Variants in ABCB5 observed in about 807,000 individuals in gnomAD.
The protein encoded by ABCB5 is ATP-binding cassette sub-family B member 5.
ABCB5 carries 155 observed loss-of-function variants against 144.2 expected under a neutral mutation model. The observed-to-expected ratio is 1.08, with a 90% CI of 0.94 to 1.23. The LOEUF is 1.23. Among genes scored for constraint, ABCB5 ranks in the 50% most tolerant of loss-of-function variants. ABCB5 has a pLI of 0.00. For synonymous variants in ABCB5, 610 were observed against 528.6 expected (o/e 1.15, Z -2.11); for missense variants, 1,830 against 1,520.8 (o/e 1.20, Z -3.38).
At chr7:20,718,298 T>A (rs868492508) in intron 20 of ABCB5, among the ~76,000 whole-genome samples, 1 of 152,144 alleles carries the variant, frequency 6.6e-6, no homozygotes, top group Non-Finnish European at 1.5e-5. Flanking sequence ...ATAACATACA[T>A]CACCATTTAT....
intron 23 of ABCB5, among the ~76,000 whole-genome samples, chr7:20,731,369 A>AAAAAAT (rs57305244): frequency 3.3e-5 from 4 of 123,074 alleles, no homozygotes; most frequent in African/African-American, 9.9e-5. Context: ...AAAAAAAAAA[A>AAAAAAT]ATATATATAT....
chr7:20,662,577 T>C (rs1320699113), intron 14 of ABCB5, among the ~76,000 whole-genome samples: 1 of 151,380 alleles, frequency 6.6e-6, no homozygotes, highest in Non-Finnish European at 1.5e-5. Flanking sequence ...ATAGCAACAC[T>C]GTAATAGTTG....
intron 17 of ABCB5, among the ~76,000 whole-genome samples, chr7:20,698,799 A>C (rs766083084): frequency 6.6e-6 from 1 of 152,184 alleles, no homozygotes. Flanking sequence ...TCTAATTTTT[A>C]CTCCAGTGCT....
intron 20 of ABCB5, among the ~76,000 whole-genome samples, chr7:20,711,047 A>G (rs1271797888): frequency 1.3e-5 from 2 of 149,988 alleles, no homozygotes; most frequent in East Asian, 3.9e-4. Context: ...CTTACAGCGT[A>G]AGAAACTTAA....
intron 27 of ABCB5, among the ~76,000 whole-genome samples, chr7:20,754,481 T>C (rs1247653265): frequency 6.6e-6 from 1 of 152,226 alleles, no homozygotes; most frequent in Non-Finnish European, 1.5e-5. Flanking sequence ...TATGAGGTTA[T>C]TGAAAGAATT....
intron 14 of ABCB5, among the ~76,000 whole-genome samples, chr7:20,662,343 T>C (rs1191678621): frequency 6.6e-6 from 1 of 152,258 alleles, no homozygotes; most frequent in African/African-American, 2.4e-5. Context: ...ACCTCTTATG[T>C]TGTATTTATA....
chr7:20,705,117 C>T (rs1026939201), intron 20 of ABCB5, among the ~76,000 whole-genome samples: 1 of 151,990 alleles, frequency 6.6e-6, no homozygotes, highest in Non-Finnish European at 1.5e-5. Flanking sequence ...GGAAAAGTAA[C>T]GAAATGAAAA....
chr7:20,635,307 C>G (rs1431906042), intron 5 of ABCB5, among the ~76,000 whole-genome samples: 1 of 151,000 alleles, frequency 6.6e-6, no homozygotes, highest in Admixed American at 6.6e-5. Flanking sequence ...TTACTATAGC[C>G]TTGTAGTACA....
intron 13 of ABCB5, among the ~76,000 whole-genome samples, chr7:20,656,087 G>A (rs1192494924): frequency 6.9e-6 from 1 of 145,278 alleles, no homozygotes; most frequent in Non-Finnish European, 1.5e-5. Flanking sequence ...GGTTATCCTT[G>A]TGGAAAAAAT....
At position 20,645,787 on chromosome 7, in the gene ABCB5, G is replaced by C. The variant is rs558603324; in HGVS notation, c.710G>C (p.Ser237Thr). 4.7e-5 allele frequency: 76 copies of C among 1,613,720 alleles called. No homozygotes were observed. Among genetic ancestry groups the C allele is most frequent in the Non-Finnish European group, 5.8e-5 (68 of 1,179,762 alleles). The change falls in exon 8 of 28, where the codon AGT (serine) becomes ACT (threonine). Residue 237 changes from serine to threonine, a missense_variant. Ser to Thr is a moderately conservative substitution (Grantham distance 58, BLOSUM62 1). Transcript: ENST00000404938. ...MVISLTSKEL[S>T]AYSKAGAVAE... is the part of the protein sequence containing the mutation. ...ATCTCATTGACCAGTAAGGAATTAA[G>C]TGCCTATTCCAAAGCTGGGGCTGTG...
Position 20,739,108 on chromosome 7 carries a change from T to C in ABCB5, c.2993T>C (p.Ile998Thr), listed in dbSNP as rs759177889. 1.1e-5 allele frequency: 18 copies of C among 1,607,136 alleles called. No individual in the cohort carries two copies. The South Asian group carries it at 1.9e-4, about 17-fold the overall frequency. The part of the protein sequence containing the change: ...LFALLEKKPN[I>T]DSRSQEGKKP... Reference sequence around the variant, plus strand: ...GCCTTGTTGGAAAAGAAACCAAATATAGACAGCCGCAGTCAAGAAGGGAAA... The same window carrying C: ...GCCTTGTTGGAAAAGAAACCAAATACAGACAGCCGCAGTCAAGAAGGGAAA... The change falls in exon 24 of 28, where the codon ATA becomes ACA. Residue 998 changes from isoleucine to threonine, a missense_variant. By Grantham distance (89) the Ile-to-Thr change is moderately conservative. Coordinates refer to ENST00000404938, the MANE Select transcript of ABCB5 (RefSeq NM_001163941.2).
At chr7:20,747,704 A>AT (rs1372561533) in intron 26 of ABCB5, among the ~76,000 whole-genome samples, 1 of 152,144 alleles carries the variant, frequency 6.6e-6, no homozygotes, top group Non-Finnish European at 1.5e-5. Flanking sequence ...TTCCTTTAAC[A>AT]TTTTTTCTAA....
At chr7:20,739,733 T>C (rs1252922089) in intron 24 of ABCB5, among the ~76,000 whole-genome samples, 1 of 152,098 alleles carries the variant, frequency 6.6e-6, no homozygotes, top group East Asian at 1.9e-4. Context: ...TTTTCTCTGA[T>C]AATATATGCA....
chr7:20,668,413 A>C (rs1785295737), intron 14 of ABCB5, among the ~76,000 whole-genome samples: 5 of 141,436 alleles, frequency 3.5e-5, no homozygotes, highest in Middle Eastern at 4.2e-3. Context: ...GCTGGGCCGC[A>C]ACCCTGTCTG....
intron 16 of ABCB5, among the ~76,000 whole-genome samples, chr7:20,693,397 GTATAT>G (rs1786299321): frequency 6.6e-6 from 1 of 151,970 alleles, no homozygotes; most frequent in African/African-American, 2.4e-5. Flanking sequence ...GAAATGCAAA[GTATAT>G]TACCTGACCA....
rs767348267 is a variant in ABCB5, at chr7:20,652,036, A to G, written c.1536+413A>G. On this transcript the variant is annotated intron_variant, in intron 13 of 27. Transcript: ENST00000404938. Reference sequence around the variant, plus strand: ...GAAAGGCCAGATTGAAAAGAATCATATTTTGTTCTGCAATTGAAAAAGAAA... The same window carrying G: ...GAAAGGCCAGATTGAAAAGAATCATGTTTTGTTCTGCAATTGAAAAAGAAA... Among the ~76,000 whole-genome samples, 19 of 152,212 alleles carry G rather than the reference A, an allele frequency of 1.2e-4. 1 individual carries two copies. Among genetic ancestry groups the G allele is most frequent in the Admixed American group, 7.2e-4 (11 of 15,282 alleles).
At chr7:20,673,524 CT>C (rs1325103967) in intron 14 of ABCB5, among the ~76,000 whole-genome samples, 1 of 151,934 alleles carries the variant, frequency 6.6e-6, no homozygotes, top group Non-Finnish European at 1.5e-5. Flanking sequence ...AACTTATTTA[CT>C]TTGGTTATAT....
chr7:20,669,164 CG>C (rs2128034858), intron 14 of ABCB5, among the ~76,000 whole-genome samples: 1 of 149,418 alleles, frequency 6.7e-6, no homozygotes, highest in African/African-American at 2.5e-5. Flanking sequence ...CGCTTCTGCC[CG>C]GCCGCCCCTA....
chr7:20,709,999 C>T (rs961755148), intron 20 of ABCB5, among the ~76,000 whole-genome samples: 1 of 147,592 alleles, frequency 6.8e-6, no homozygotes, highest in Non-Finnish European at 1.5e-5. Context: ...CGCTTGAACC[C>T]GGGAGGTGGA....
Sources: gnomAD v4.1 joint callset for allele counts (sites outside exome capture counted in the v4.1 genomes callset) on GRCh38, gnomAD v4.1.1 for gene constraint, MANE v1.5 for transcripts, NCBI Gene and HGNC (gene_info 2026-07-23, HGNC 2026-07-21) for gene names.